The following ANPEP variants were observed in gnomAD, a reference collection of about 807,000 sequenced individuals.
The protein encoded by ANPEP is alanyl aminopeptidase, membrane, also known as aminopeptidase N.
A neutral mutation model predicts 114.6 loss-of-function variants in ANPEP; 70 were observed. The ratio of observed to expected loss-of-function variants is 0.61; its 90% CI spans 0.50 to 0.75. The LOEUF is 0.75. Ranked by LOEUF, ANPEP falls within the 30% of genes least tolerant of loss-of-function variation. The probability of loss-of-function intolerance (pLI) is 0.00; values close to 1 mark genes in which losing one functional copy is unlikely to be tolerated. For synonymous variants in ANPEP, 548 were observed against 522.3 expected, an observed-to-expected ratio of 1.05 and a Z score of -0.67; for missense variants, 1,184 against 1,259.5, an observed-to-expected ratio of 0.94 and a Z score of 0.91.
In ANPEP at chr15:89,792,254, C is replaced by CG; in HGVS notation, c.2433dup (p.Ala812ArgfsTer13). 6.2e-7 allele frequency: 1 copy of CG among 1,614,212 alleles called. No homozygotes were observed. The highest frequency in any genetic ancestry group is 1.1e-5 in the South Asian group (1 of 91,090). ...GTGGCATTTCGGAACTGCTCCCAGGCGAAGTCCCACTCCTCCTCCCCGCCC... is the reference window on the plus strand; with the variant it reads ...GTGGCATTTCGGAACTGCTCCCAGGCGGAAGTCCCACTCCTCCTCCCCGCCC... On this transcript the variant is annotated frameshift_variant, in exon 18 of 21. Coordinates refer to ENST00000300060, the MANE Select transcript of ANPEP (RefSeq NM_001150.3). LOFTEE classifies it high-confidence loss of function.
chr15:89,790,915 G>A lies in ANPEP; in HGVS notation c.2669+38C>T, dbSNP rs77935658. The A allele has an allele frequency of 7.3e-3, 11,784 of 1,604,876 alleles. 800 individuals carry two copies. In the African/African-American group the frequency reaches 0.14, roughly 19 times the overall value. ...GGCCACCCCCCGGGGCCCCAGCCTC[G>A]GCGCTCGCTGTCCCTGACACCCATT... is the stretch of plus-strand genomic sequence containing the variant. On this transcript the variant is annotated intron_variant, in intron 19 of 20. Transcript: ENST00000300060.
chr15:89,792,407 G>C (rs748351770), intron 17 of ANPEP, 45 bp downstream of exon 17: 5 of 1,613,062 alleles, frequency 3.1e-6, no homozygotes, highest in African/African-American at 2.7e-5. Flanking sequence ...GGGGCTGTTG[G>C]GGGCAGATGA....
In ANPEP at chr15:89,799,920, C is replaced by T. The variant is rs1356155972; in HGVS notation, c.1820-361G>A. On this transcript the variant is annotated intron_variant, in intron 12 of 20. Transcript: ENST00000300060. This position sits in a 1 kb window ranked among gnomAD's most constrained non-coding sequence, Gnocchi z 4.2. ...CAAGTGGGAACCACAGGCAGCTCCT[C>T]CTCTCCCTTCCCCTCCCATTCACCC... 6.6e-6 allele frequency among the ~76,000 whole-genome samples: 1 copy of T among 152,182 alleles called. No individual in the cohort carries two copies. The highest frequency in any genetic ancestry group is 2.4e-5 in the African/African-American group (1 of 41,454).
chr15:89,812,675 T>A (rs1372896575), intron 1 of ANPEP, among the ~76,000 whole-genome samples: 1 of 151,762 alleles, frequency 6.6e-6, no homozygotes, highest in Non-Finnish European at 1.5e-5. Flanking sequence ...AGACACATGG[T>A]AGGTGAAACT....
chr15:89,808,871 A>C (rs929005867), intron 1 of ANPEP, among the ~76,000 whole-genome samples: 1 of 152,222 alleles, frequency 6.6e-6, no homozygotes, highest in Non-Finnish European at 1.5e-5. Flanking sequence ...AGCAAAACAC[A>C]AATACCTGCC....
chr15:89,797,042 C>T (rs1968741238), intron 15 of ANPEP, among the ~76,000 whole-genome samples: 1 of 152,246 alleles, frequency 6.6e-6, no homozygotes, highest in Non-Finnish European at 1.5e-5. Flanking sequence ...CCTCAGCCCT[C>T]AAATAGGCCC....
rs747403455 is a variant in ANPEP at position 89,792,920 on chromosome 15, C to T, written c.2249+115G>A. Reference sequence around the variant, plus strand: ...GACCTCCCTGCTCCTGGGTGGGGGTCTCTCCCTGCCTGGTGCCCCCGCATT... The same window carrying T: ...GACCTCCCTGCTCCTGGGTGGGGGTTTCTCCCTGCCTGGTGCCCCCGCATT... On this transcript the variant is annotated intron_variant, in intron 16 of 20. Transcript: ENST00000300060. 4.2e-4 allele frequency: 393 copies of T among 932,160 alleles called. 3 individuals carry two copies. Among genetic ancestry groups the T allele is most frequent in the Non-Finnish European group, 6.2e-4 (364 of 589,770 alleles). 57.7% of individuals were successfully genotyped at this position (932,160 alleles called of 1,614,324 possible).
At chr15:89,804,027 C>G (rs758782147) in intron 6 of ANPEP, 25 bp from the exon 7 acceptor site, 1 of 1,606,222 alleles carries the variant, frequency 6.2e-7, no homozygotes, top group South Asian at 1.1e-5. Context: ...GTCAGCTGGG[C>G]AAGCCACGCC....
intron 1 of ANPEP, among the ~76,000 whole-genome samples, chr15:89,811,421 C>T (rs1234287899): frequency 3.3e-5 from 5 of 151,604 alleles, no homozygotes; most frequent in South Asian, 4.2e-4. Context: ...CTGAGGCGGA[C>T]GGATCACGAG....
chr15:89,812,553 A>G (rs1382896597), intron 1 of ANPEP, among the ~76,000 whole-genome samples: 1 of 152,060 alleles, frequency 6.6e-6, no homozygotes, highest in African/African-American at 2.4e-5. Flanking sequence ...GGCACACAGG[A>G]GGAAGGAGCA....
chr15:89,793,349 G>T (rs911167873), intron 15 of ANPEP, among the ~76,000 whole-genome samples: 1 of 152,054 alleles, frequency 6.6e-6, no homozygotes, highest in Non-Finnish European at 1.5e-5. Flanking sequence ...AATATTCTTT[G>T]TCTACGGGTC....
chr15:89,811,990 A>G (rs1190049475), intron 1 of ANPEP, among the ~76,000 whole-genome samples: 1 of 152,264 alleles, frequency 6.6e-6, no homozygotes, highest in Non-Finnish European at 1.5e-5. Flanking sequence ...ACCAAAAAAC[A>G]TGAAGGTTGA....
At position 89,799,504 on chromosome 15, in the gene ANPEP, A is replaced by G. The variant is rs1452873576; in HGVS notation, c.1875T>C (p.Asn625=). 2 of 1,614,132 alleles carry G rather than the reference A, an allele frequency of 1.2e-6. No homozygotes were observed. The highest frequency in any genetic ancestry group is 8.5e-7 in the Non-Finnish European group (1 of 1,180,016). ...AGTTCACCCGGTAATAGCCCGTCAC[A>G]TTGAGGTTCAGCAGGACCCACTCAT... ...SGNEWVLLNL[N]VTGYYRVNYD... Residue 625 remains asparagine (N), a synonymous_variant, in exon 13 of 21, where the codon AAT becomes AAC. Transcript: ENST00000300060. This position sits in a 1 kb window ranked among gnomAD's most constrained non-coding sequence, Gnocchi z 4.2.
intron 16 of ANPEP, 126 bp from the exon 17 acceptor site, chr15:89,792,688 G>C (rs28493892): frequency 0.3 from 241,165 of 794,130 alleles, 38,276 homozygotes; most frequent in African/African-American, 0.44. Flanking sequence ...TCTGACCCCC[G>C]CTGTATGTGC....
intron 15 of ANPEP, among the ~76,000 whole-genome samples, chr15:89,795,091 GAAA>G (rs57368902): frequency 2.3e-5 from 3 of 130,340 alleles, no homozygotes; most frequent in Non-Finnish European, 3.3e-5. Context: ...CGAGTCAATG[GAAA>G]AAAAAAAAAA....
intron 1 of ANPEP, among the ~76,000 whole-genome samples, chr15:89,810,590 AAAG>A (rs1185709308): frequency 6.6e-6 from 1 of 151,964 alleles, no homozygotes; most frequent in African/African-American, 2.4e-5. Context: ...GAAAAAAAAA[AAAG>A]AAAAAGAAAA....
rs1894728940 is a variant in ANPEP at position 89,806,945 on chromosome 15, G to A, written c.-223-139C>T. ...TGGCATTGCATTGATCTGCTTGAGAGCTGAGAGGGTGGGAACAGCATCAGA... is the reference window on the plus strand; with the variant it reads ...TGGCATTGCATTGATCTGCTTGAGAACTGAGAGGGTGGGAACAGCATCAGA... On this transcript the variant is annotated intron_variant, in intron 1 of 20. Coordinates refer to ENST00000300060, the MANE Select transcript of ANPEP (RefSeq NM_001150.3). The surrounding 1 kb of genome is among the most constrained non-coding windows in gnomAD (Gnocchi z 5.7). 4.1e-6 allele frequency: 1 copy of A among 242,908 alleles called. No homozygotes were observed. Among genetic ancestry groups the A allele is most frequent in the African/African-American group, 2.2e-5 (1 of 45,600 alleles). 15.0% of individuals were successfully genotyped at this position (242,908 alleles called of 1,614,324 possible).
Position 89,785,288 on chromosome 15 carries a change from C to T in ANPEP, c.*61G>A, listed in dbSNP as rs1054181056. The T allele has an allele frequency of 3.9e-5, 62 of 1,600,878 alleles. No homozygotes were observed. The highest frequency in any genetic ancestry group is 5.0e-5 in the Non-Finnish European group (58 of 1,170,358). On this transcript the variant is annotated 3_prime_UTR_variant, in exon 21 of 21. Coordinates refer to ENST00000300060, the MANE Select transcript of ANPEP (RefSeq NM_001150.3). ...CCAGGAATGGAGGCCCTGCACCAGC[C>T]GCTGGGATGGACACATGTGGGCACC...
intron 17 of ANPEP, 46 bp downstream of exon 17, chr15:89,792,406 G>GAAGACTGGCAGAGGAAGATGAA: frequency 6.2e-7 from 1 of 1,612,636 alleles, no homozygotes; most frequent in Non-Finnish European, 8.5e-7. Context: ...CGGGGCTGTT[G>GAAGACTGGCAGAGGAAGATGAA]GGGGCAGATG....
Sources: gnomAD v4.1 joint callset for allele counts (sites outside exome capture counted in the v4.1 genomes callset) on GRCh38, gnomAD v4.1.1 for gene constraint, Gnocchi (gnomAD v3.1) non-coding constraint, MANE v1.5 for transcripts, NCBI Gene and HGNC (gene_info 2026-07-23, HGNC 2026-07-21) for gene names.